Variants in CDH18 observed in about 807,000 individuals in gnomAD.
The protein encoded by CDH18 is cadherin-18.
A neutral mutation model predicts 67.9 loss-of-function variants in CDH18; 31 were observed. That is an observed-to-expected ratio of 0.46 (90% confidence interval 0.34 to 0.62). The LOEUF is 0.62. Ranked by LOEUF, CDH18 falls within the 20% of genes least tolerant of loss-of-function variation. The pLI, the probability that CDH18 is intolerant of heterozygous loss-of-function variation, is 0.01. For synonymous variants in CDH18, 362 were observed against 347.2 expected (o/e 1.04, Z -0.48); for missense variants, 890 against 975.5 (o/e 0.91, Z 1.17).
At position 19,806,841 on chromosome 5, in the gene CDH18, A is replaced by G. The variant is rs147465827; in HGVS notation, c.228+31918T>C. Among the ~76,000 whole-genome samples, 21 of 152,328 alleles carry G rather than the reference A, an allele frequency of 1.4e-4. No individual in the cohort carries two copies. In the East Asian group the frequency reaches 3.7e-3, roughly 27 times the overall value. ...CAAGACTGATTGTATAACGATACAT[A>G]TATGTCAATAAATACAGTAATTCAT... On this transcript the variant is annotated intron_variant, in intron 3 of 12. Coordinates refer to ENST00000382275, the MANE Select transcript of CDH18 (RefSeq NM_004934.5).
At chr5:20,268,774 T>C (rs754610114) in intron 1 of CDH18, among the ~76,000 whole-genome samples, 1 of 152,016 alleles carries the variant, frequency 6.6e-6, no homozygotes, top group Non-Finnish European at 1.5e-5. Context: ...ACTTTAGAAG[T>C]ACTGGAAGAA....
chr5:19,789,778 T>C (rs1189894193), intron 3 of CDH18, among the ~76,000 whole-genome samples: 2 of 152,084 alleles, frequency 1.3e-5, no homozygotes, highest in Non-Finnish European at 1.5e-5. Flanking sequence ...TAGTAGTACT[T>C]GTTTCAAAGC....
chr5:20,268,031 A>C (rs1745170765), intron 1 of CDH18, among the ~76,000 whole-genome samples: 2 of 152,318 alleles, frequency 1.3e-5, no homozygotes, highest in South Asian at 4.1e-4. Context: ...GTTCCCACTT[A>C]TAAATGACAA....
At chr5:20,381,622 G>T (rs995028576) in intron 1 of CDH18, among the ~76,000 whole-genome samples, 6 of 152,116 alleles carry the variant, frequency 3.9e-5, no homozygotes, top group African/African-American at 1.2e-4. Flanking sequence ...AATGATGTGT[G>T]CTCAGTCTTA....
intron 2 of CDH18, among the ~76,000 whole-genome samples, chr5:20,114,748 G>A (rs1212054350): frequency 6.6e-6 from 1 of 152,128 alleles, no homozygotes; most frequent in African/African-American, 2.4e-5. Flanking sequence ...AGTCATCACT[G>A]GAAAAGAGTA....
At chr5:19,981,355 G>A (rs1160246020) in intron 1 of CDH18, among the ~76,000 whole-genome samples, 177 bp from the exon 2 acceptor site, 3 of 152,146 alleles carry the variant, frequency 2.0e-5, no homozygotes, top group Non-Finnish European at 4.4e-5. Flanking sequence ...ATCACCTCCT[G>A]TATGCTATTT....
chr5:20,079,222 C>T (rs1744230115), intron 2 of CDH18, among the ~76,000 whole-genome samples: 1 of 152,072 alleles, frequency 6.6e-6, no homozygotes, highest in Admixed American at 6.5e-5. Context: ...TACCATCCAA[C>T]CCCACACTGC....
intron 2 of CDH18, among the ~76,000 whole-genome samples, chr5:20,057,984 T>TTAGGATACATACAATTTCCACCTCTGG (rs1742142239): frequency 6.6e-6 from 1 of 152,158 alleles, no homozygotes; most frequent in African/African-American, 2.4e-5. Flanking sequence ...AAAGCCGTCA[T>TTAGGATACATACAATTTCCACCTCTGG]TAGGATACAT....
intron 4 of CDH18, among the ~76,000 whole-genome samples, chr5:19,728,630 A>G (rs1217078712): frequency 1.3e-5 from 2 of 152,170 alleles, no homozygotes; most frequent in Non-Finnish European, 2.9e-5. Flanking sequence ...TAAGTTTCTA[A>G]AGACGAATTT....
chr5:19,779,660 C>T (rs1317305371), intron 3 of CDH18, among the ~76,000 whole-genome samples: 1 of 152,142 alleles, frequency 6.6e-6, no homozygotes, highest in African/African-American at 2.4e-5. Context: ...CAAAGTTGCA[C>T]ATCTTACTTA....
intron 1 of CDH18, among the ~76,000 whole-genome samples, chr5:20,380,368 A>C (rs1398463684): frequency 6.6e-6 from 1 of 152,232 alleles, no homozygotes; most frequent in Non-Finnish European, 1.5e-5. Context: ...ACTGTTTGAC[A>C]GAAAATAACA....
At chr5:20,170,638 T>C (rs1331747339) in intron 2 of CDH18, among the ~76,000 whole-genome samples, 1 of 152,048 alleles carries the variant, frequency 6.6e-6, no homozygotes, top group Non-Finnish European at 1.5e-5. Context: ...TATTCAAACA[T>C]TTTAATTTGT....
intron 2 of CDH18, among the ~76,000 whole-genome samples, chr5:20,178,715 C>G (rs551026279): frequency 6.6e-6 from 1 of 151,866 alleles, no homozygotes; most frequent in African/African-American, 2.4e-5. Context: ...CCTTCCCCTA[C>G]GTTGTAATTT....
intron 3 of CDH18, among the ~76,000 whole-genome samples, chr5:19,790,428 G>A (rs563588452): frequency 6.6e-6 from 1 of 152,242 alleles, no homozygotes; most frequent in East Asian, 1.9e-4. Context: ...GCATAATGAT[G>A]AACGAAAGGT....
intron 11 of CDH18, among the ~76,000 whole-genome samples, chr5:19,493,687 C>T (rs1311768024): frequency 6.6e-6 from 1 of 152,010 alleles, no homozygotes; most frequent in Non-Finnish European, 1.5e-5. Context: ...ATCAATTTAT[C>T]ATTGTTTTTA....
intron 1 of CDH18, among the ~76,000 whole-genome samples, chr5:20,296,300 C>G (rs2149955447): frequency 6.6e-6 from 1 of 151,406 alleles, no homozygotes; most frequent in Admixed American, 6.6e-5. Flanking sequence ...GTTGCCCAGG[C>G]TGGAGTGCAG....
intron 2 of CDH18, among the ~76,000 whole-genome samples, chr5:19,903,100 T>C (rs1160529614): frequency 6.6e-6 from 1 of 151,966 alleles, no homozygotes; most frequent in African/African-American, 2.4e-5. Flanking sequence ...TTGGAATAAT[T>C]TAAATATATC....
chr5:20,477,670 T>C (rs1257935109), intron 1 of CDH18, among the ~76,000 whole-genome samples: 1 of 152,138 alleles, frequency 6.6e-6, no homozygotes, highest in African/African-American at 2.4e-5. Flanking sequence ...GCTAAAGCGA[T>C]CTGGAATGCA....
chr5:20,153,502 C>G (rs903019852), intron 2 of CDH18, among the ~76,000 whole-genome samples: 12 of 152,104 alleles, frequency 7.9e-5, no homozygotes, highest in Non-Finnish European at 1.6e-4. Flanking sequence ...CAAAGATAAA[C>G]TAGTGATGAC....
Sources: gnomAD v4.1 joint callset for allele counts (sites outside exome capture counted in the v4.1 genomes callset) on GRCh38, gnomAD v4.1.1 for gene constraint, MANE v1.5 for transcripts, NCBI Gene and HGNC (gene_info 2026-07-23, HGNC 2026-07-21) for gene names.